The following CDH23 variants were observed in gnomAD, a reference collection of about 807,000 sequenced individuals.
CDH23 encodes cadherin-23.
A neutral mutation model predicts 317.1 loss-of-function variants in CDH23; 189 were observed. That is an observed-to-expected ratio of 0.60 (90% confidence interval 0.53 to 0.67). The LOEUF is 0.67. CDH23 is among the 30% of genes least tolerant of loss of function. The pLI, the probability that CDH23 is intolerant of heterozygous loss-of-function variation, is 0.00. For missense variants in CDH23, 4,401 were observed against 4,592.4 expected (o/e 0.96, Z 1.20); for synonymous variants, 1,839 against 1,876.8 (o/e 0.98, Z 0.52).
chr10:71,551,150 G>C (rs928777497), intron 6 of CDH23, among the ~76,000 whole-genome samples: 2 of 152,234 alleles, frequency 1.3e-5, no homozygotes, highest in Admixed American at 1.3e-4. Flanking sequence ...GAGGACTTCC[G>C]TCGAAATTCC....
Position 71,430,365 on chromosome 10 carries a change from G to A in CDH23, c.-5-9462G>A, listed in dbSNP as rs570713356. On this transcript the variant is annotated intron_variant, in intron 1 of 69. Transcript: ENST00000224721. ...CCGCTTTTTCCTCATTGTTGGTGGTGGAGGGGGTATAACTTGGTGCACCCT... is the reference window on the plus strand; with the variant it reads ...CCGCTTTTTCCTCATTGTTGGTGGTAGAGGGGGTATAACTTGGTGCACCCT... Among the ~76,000 whole-genome samples the A allele has an allele frequency of 2.6e-5, 4 of 152,256 alleles. No individual in the cohort carries two copies. In the East Asian group the frequency reaches 7.7e-4, roughly 29 times the overall value.
chr10:71,784,501 C>T (rs1292164689), intron 42 of CDH23, 81 bp downstream of exon 42: 2 of 1,542,860 alleles, frequency 1.3e-6, no homozygotes, highest in African/African-American at 2.7e-5. Flanking sequence ...CATTGTTACC[C>T]TTGTGCCAAG....
intron 35 of CDH23, 140 bp downstream of exon 35, chr10:71,738,787 T>G: frequency 1.8e-6 from 2 of 1,142,636 alleles, no homozygotes; most frequent in Non-Finnish European, 2.5e-6. Flanking sequence ...TCACCCAGTC[T>G]GTGGTCAGGG....
intron 1 of CDH23, among the ~76,000 whole-genome samples, chr10:71,425,150 G>A (rs1848996643): frequency 6.6e-6 from 1 of 150,442 alleles, no homozygotes; most frequent in African/African-American, 2.4e-5. Flanking sequence ...GGAGAATGTT[G>A]TGGAAGGTGC....
At chr10:71,773,549 GC>G in intron 38 of CDH23, 2 of 1,054,154 alleles carry the variant, frequency 1.9e-6, no homozygotes, top group African/African-American at 1.7e-5. Context: ...GCTGCGGGCG[GC>G]CCCAGCGCCG....
At chr10:71,806,417 CA>C in intron 57 of CDH23, 136 bp downstream of exon 57, 1 of 655,156 alleles carries the variant, frequency 1.5e-6, no homozygotes, top group Non-Finnish European at 2.8e-6. Context: ...GCACTTCATG[CA>C]AGAACAACTA....
At chr10:71,402,706 AGTGTGTGTGTGTGTGTGTGT>A (rs61127679) in intron 1 of CDH23, among the ~76,000 whole-genome samples, 136 of 148,926 alleles carry the variant, frequency 9.1e-4, no homozygotes, top group East Asian at 1.8e-3. Context: ...ATTCTTCCTG[AGTGTGTGTGTGTGTGTGTGT>A]GTGTGTGTGT....
At position 71,458,407 on chromosome 10, in the gene CDH23, T is replaced by C. The variant is rs188154208; in HGVS notation, c.145+12012T>C. On this transcript the variant is annotated intron_variant, in intron 3 of 69. Transcript: ENST00000224721. ...TTTCAATGCCAGCTCTGCCACTTAT[T>C]AGCGTGTGACCACAGGCAAGTCCCT... is the stretch of plus-strand genomic sequence containing the variant. 3.9e-5 allele frequency among the ~76,000 whole-genome samples: 6 copies of C among 152,356 alleles called. No homozygotes were observed. In the East Asian group the frequency reaches 1.2e-3, roughly 29 times the overall value.
At chr10:71,483,765 T>C (rs1852195518) in intron 3 of CDH23, among the ~76,000 whole-genome samples, 1 of 152,030 alleles carries the variant, frequency 6.6e-6, no homozygotes, top group African/African-American at 2.4e-5. Context: ...AACTGAGGCA[T>C]AGAGAGTTTA....
chr10:71,737,310 A>G (rs1305847012), intron 34 of CDH23, among the ~76,000 whole-genome samples: 1 of 152,180 alleles, frequency 6.6e-6, no homozygotes, highest in East Asian at 1.9e-4. Flanking sequence ...TCCTCCCAAC[A>G]GGTGTCATTC....
chr10:71,773,965 A>C (rs1020209496), intron 38 of CDH23, among the ~76,000 whole-genome samples: 8 of 151,738 alleles, frequency 5.3e-5, no homozygotes, highest in African/African-American at 1.5e-4. Flanking sequence ...GAATGAATGA[A>C]ATCTGACATT....
chr10:71,727,497 C>T (rs76718869), intron 30 of CDH23, among the ~76,000 whole-genome samples: 25 of 152,312 alleles, frequency 1.6e-4, no homozygotes, highest in African/African-American at 5.8e-4. Flanking sequence ...TCTGGCTTTC[C>T]GCTGGACTCA....
rs369769450 is a variant in CDH23, at chr10:71,539,186, C to T, written c.430-27556C>T. Reference sequence around the variant, plus strand: ...GAGGGCAGACACCTGGACCCATCCACGCCGTAGCCCCTTTGCCCTTCCCCT... The same window carrying T: ...GAGGGCAGACACCTGGACCCATCCATGCCGTAGCCCCTTTGCCCTTCCCCT... On this transcript the variant is annotated intron_variant, in intron 6 of 69. Coordinates refer to ENST00000224721, the MANE Select transcript of CDH23 (RefSeq NM_022124.6). Among the ~76,000 whole-genome samples, 13 of 152,298 alleles carry T rather than the reference C, an allele frequency of 8.5e-5. 2 individuals are homozygous for T. The highest frequency in any genetic ancestry group is 4.6e-4 in the Admixed American group (7 of 15,310).
Position 71,482,404 on chromosome 10 carries a change from C to T in CDH23, c.146-27678C>T, listed in dbSNP as rs145400566. Among the ~76,000 whole-genome samples the T allele has an allele frequency of 7.3e-3, 1,111 of 152,328 alleles. 11 individuals are homozygous for T. Among genetic ancestry groups the T allele is most frequent in the Non-Finnish European group, 7.6e-3 (519 of 68,032 alleles). On this transcript the variant is annotated intron_variant, in intron 3 of 69. Transcript: ENST00000224721. Reference sequence around the variant, plus strand: ...CCACCTACCTGGACCCCTGCCCCAACAAAGATACCTCTCTATCTTCTTCTT... The same window carrying T: ...CCACCTACCTGGACCCCTGCCCCAATAAAGATACCTCTCTATCTTCTTCTT...
At chr10:71,539,483 T>G (rs1044613360) in intron 6 of CDH23, among the ~76,000 whole-genome samples, 2 of 152,058 alleles carry the variant, frequency 1.3e-5, no homozygotes, top group African/African-American at 4.8e-5. Context: ...TTTCTCTGCT[T>G]GTGGCTTTGT....
intron 3 of CDH23, among the ~76,000 whole-genome samples, chr10:71,451,577 G>A (rs944144986): frequency 5.9e-5 from 9 of 152,192 alleles, no homozygotes; most frequent in African/African-American, 1.9e-4. Context: ...ATGAACCTGC[G>A]CTTACCAGGC....
chr10:71,753,235 T>C (rs575297121), intron 38 of CDH23, among the ~76,000 whole-genome samples: 18 of 152,338 alleles, frequency 1.2e-4, no homozygotes, highest in African/African-American at 4.3e-4. Context: ...TAAATGAAAC[T>C]CTATCTGCAT....
chr10:71,479,668 T>G (rs1199305607), intron 3 of CDH23, among the ~76,000 whole-genome samples: 3 of 151,856 alleles, frequency 2.0e-5, no homozygotes, highest in Non-Finnish European at 4.4e-5. Context: ...GGTCATGACT[T>G]GGGTGAGGGT....
intron 38 of CDH23, among the ~76,000 whole-genome samples, chr10:71,764,948 G>A (rs1700057731): frequency 6.6e-6 from 1 of 152,238 alleles, no homozygotes. Context: ...TGGAAAAGGA[G>A]CCCCAGGAAG....
Sources: gnomAD v4.1 joint callset for allele counts (sites outside exome capture counted in the v4.1 genomes callset) on GRCh38, gnomAD v4.1.1 for gene constraint, MANE v1.5 for transcripts, NCBI Gene and HGNC (gene_info 2026-07-23, HGNC 2026-07-21) for gene names.